The following ZDHHC16 variants were observed in gnomAD, a reference collection of about 807,000 sequenced individuals.
The protein encoded by ZDHHC16 is zDHHC palmitoyltransferase 16.
Under a neutral mutation model 54.4 loss-of-function variants are expected in ZDHHC16, and 33 were observed. The ratio of observed to expected loss-of-function variants is 0.61; its 90% CI spans 0.46 to 0.81. The LOEUF (loss-of-function observed/expected upper bound fraction) is 0.81. Ranked by LOEUF, ZDHHC16 falls within the 30% of genes least tolerant of loss-of-function variation. The pLI is 0.00. For synonymous variants in ZDHHC16, 185 were observed against 182.1 expected (o/e 1.02, Z -0.13); for missense variants, 420 against 485.9 (o/e 0.86, Z 1.28).
At chr10:97,453,875 G>C in intron 8 of ZDHHC16, 29 bp downstream of exon 8, 2 of 1,613,978 alleles carry the variant, frequency 1.2e-6, no homozygotes, top group South Asian at 2.2e-5. Flanking sequence ...ACTGCCTCCT[G>C]CTGCTCAGGC....
intron 1 of ZDHHC16, among the ~76,000 whole-genome samples, chr10:97,449,858 A>ATT (rs1412478223): frequency 3.2e-5 from 2 of 62,352 alleles, no homozygotes; most frequent in Non-Finnish European, 6.2e-5. Context: ...ACTCCCCTTA[A>ATT]TTCTTTTTTT....
Position 97,446,350 on chromosome 10 carries a change from G to T in ZDHHC16, c.-189G>T. Reference sequence around the variant, plus strand: ...TGGCTGACTGGGGAGTCGGCAGGCGGCAGGTAAGGGCGAAGCCTCGGCCCT... The same window carrying T: ...TGGCTGACTGGGGAGTCGGCAGGCGTCAGGTAAGGGCGAAGCCTCGGCCCT... On this transcript the variant is annotated 5_prime_UTR_variant, in exon 1 of 12. Coordinates refer to ENST00000393760, the MANE Select transcript of ZDHHC16 (RefSeq NM_198046.3). The T allele has an allele frequency of 2.6e-6, 1 of 390,502 alleles. No homozygotes were observed. Among genetic ancestry groups the T allele is most frequent in the South Asian group, 2.5e-5 (1 of 39,798 alleles). 24.2% of individuals were successfully genotyped at this position (390,502 alleles called of 1,614,324 possible).
intron 1 of ZDHHC16, 55 bp from the exon 2 acceptor site, chr10:97,450,302 A>C (rs940210696): frequency 6.6e-6 from 1 of 151,880 alleles, no homozygotes; most frequent in African/African-American, 2.4e-5. Context: ...GTTTCTTTTC[A>C]CCTTAGGGCT....
chr10:97,449,415 G>A (rs925001750), intron 1 of ZDHHC16, among the ~76,000 whole-genome samples: 5 of 152,106 alleles, frequency 3.3e-5, no homozygotes, highest in Admixed American at 2.0e-4. Flanking sequence ...GATTTGTTGT[G>A]GGGTAATCTG....
At chr10:97,449,832 T>G (rs1214897418) in intron 1 of ZDHHC16, among the ~76,000 whole-genome samples, 1 of 140,418 alleles carries the variant, frequency 7.1e-6, no homozygotes, top group African/African-American at 2.7e-5. Context: ...GCCCGGCCTT[T>G]TTTTCTCTTT....
chr10:97,453,741 G>A (rs1052247171), intron 7 of ZDHHC16, 58 bp from the exon 8 acceptor site: 1 of 1,614,016 alleles, frequency 6.2e-7, no homozygotes. Flanking sequence ...AATGGGGCTG[G>A]TAGCACCCCA....
rs375820825 is a variant in ZDHHC16, at chr10:97,452,227, C to T, written c.381C>T (p.Ile127=). Residue 127 remains isoleucine, a synonymous_variant, in exon 4 of 12, where the codon ATC becomes ATT. Transcript: ENST00000393760. ...WHFFYSHWNL[I]LIVFHYYQAI... Reference sequence around the variant, plus strand: ...TCTTCTATAGCCACTGGAATCTGATCCTGATTGTCTTCCACTACTACCAGG... The same window carrying T: ...TCTTCTATAGCCACTGGAATCTGATTCTGATTGTCTTCCACTACTACCAGG... The T allele has an allele frequency of 5.7e-5, 92 of 1,614,050 alleles. No individual in the cohort carries two copies. Among genetic ancestry groups the T allele is most frequent in the Non-Finnish European group, 7.5e-5 (89 of 1,180,050 alleles).
rs754283553 is a variant in ZDHHC16, at chr10:97,452,936, T to C, written c.556+13T>C. On this transcript the variant is annotated intron_variant, in intron 6 of 11. Coordinates refer to ENST00000393760, the MANE Select transcript of ZDHHC16 (RefSeq NM_198046.3). ...GATCACCACTGCCGTATCCTTTTGCTTTCTCTTCTGCCTGAGGCCTTCTTT... is the reference window on the plus strand; with the variant it reads ...GATCACCACTGCCGTATCCTTTTGCCTTCTCTTCTGCCTGAGGCCTTCTTT... 2 of 1,614,210 alleles carry C rather than the reference T, an allele frequency of 1.2e-6. No homozygotes were observed. Among genetic ancestry groups the C allele is most frequent in the Admixed American group, 1.7e-5 (1 of 60,016 alleles).
At chr10:97,448,718 A>C (rs961789681) in intron 1 of ZDHHC16, among the ~76,000 whole-genome samples, 1 of 152,138 alleles carries the variant, frequency 6.6e-6, no homozygotes, top group Non-Finnish European at 1.5e-5. Flanking sequence ...AGATCTTGCC[A>C]CTGCACTACA....
intron 1 of ZDHHC16, among the ~76,000 whole-genome samples, chr10:97,448,696 T>TG (rs1846322818): frequency 6.6e-6 from 1 of 152,200 alleles, no homozygotes; most frequent in Non-Finnish European, 1.5e-5. Flanking sequence ...AGGCGGAGGT[T>TG]GCAGTGAGCC....
At position 97,454,750 on chromosome 10, in the gene ZDHHC16, C is replaced by T. The variant is rs1400687848; in HGVS notation, c.775C>T (p.Arg259Ter). 9.9e-6 allele frequency: 16 copies of T among 1,614,062 alleles called. No homozygotes were observed. Among genetic ancestry groups the T allele is most frequent in the African/African-American group, 2.7e-5 (2 of 74,914 alleles). Reference sequence around the variant, plus strand: ...GACCCCACCACCCACCTTCTCCTTTCGAGAAAGGATGACTCACAAGAGTCT... The same window carrying T: ...GACCCCACCACCCACCTTCTCCTTTTGAGAAAGGATGACTCACAAGAGTCT... ...HQTPPPTFSF[R>*]ERMTHKSLVY... Residue 259 changes from arginine to a stop codon, truncating the protein, a stop_gained, in exon 9 of 12, where the codon CGA (arginine) becomes TGA (stop). Transcript: ENST00000393760. LOFTEE classifies it high-confidence loss of function.
intron 5 of ZDHHC16, 81 bp downstream of exon 5, chr10:97,452,584 T>C (rs1846747829): frequency 1.4e-6 from 2 of 1,444,958 alleles, no homozygotes; most frequent in South Asian, 1.3e-5. Context: ...TTGAGTTTGC[T>C]AAGACATGGG....
intron 1 of ZDHHC16, among the ~76,000 whole-genome samples, chr10:97,449,289 A>G (rs1658881696): frequency 6.6e-6 from 1 of 152,120 alleles, no homozygotes. Flanking sequence ...ATTACAAACA[A>G]GGAGTGCATT....
In ZDHHC16 at chr10:97,452,031, G is replaced by GA. The variant is rs1336139730; in HGVS notation, c.244-58dup. 1.9e-6 allele frequency: 3 copies of GA among 1,605,880 alleles called. No individual in the cohort carries two copies. In the Admixed American group the frequency reaches 5.0e-5, roughly 27 times the overall value. On this transcript the variant is annotated intron_variant, in intron 3 of 11. Transcript: ENST00000393760. ...CGGCCCCCACCCCCAGGGAAACTCC[G>GA]AGTCTCCTTTGGGCATAGCTCTTGC...
intron 1 of ZDHHC16, among the ~76,000 whole-genome samples, chr10:97,448,884 A>G (rs1056189022): frequency 6.6e-6 from 1 of 152,254 alleles, no homozygotes; most frequent in African/African-American, 2.4e-5. Flanking sequence ...ATGCCATTTT[A>G]TATCAGATTT....
rs763197918 is a variant in ZDHHC16, at chr10:97,454,818, TTTAAGGGAGGGGAAGCTTC to T, written c.824+20_824+38del. 12 of 1,611,918 alleles carry T rather than the reference TTTAAGGGAGGGGAAGCTTC, an allele frequency of 7.4e-6. No individual in the cohort carries two copies. In the Admixed American group the frequency reaches 8.4e-5, roughly 11 times the overall value. ...TGTGCAGGTATTTGTTTTTGATAGT[TTTAAGGGAGGGGAAGCTTC>T]AGAAAAAAAGTTTTTTAGGTGCCCA... On this transcript the variant is annotated intron_variant, in intron 9 of 11. Transcript: ENST00000393760.
intron 11 of ZDHHC16, chr10:97,456,360 C>G: frequency 2.7e-6 from 1 of 371,084 alleles, no homozygotes; most frequent in Non-Finnish European, 4.8e-6. Flanking sequence ...GAGTTCAAGC[C>G]AATAATTTGT....
Position 97,456,836 on chromosome 10 carries a change from G to T in ZDHHC16, c.1079G>T (p.Ser360Ile), listed in dbSNP as rs1489265729. The T allele has an allele frequency of 6.2e-7, 1 of 1,613,774 alleles. No individual in the cohort carries two copies. The highest frequency in any genetic ancestry group is 2.2e-5 in the East Asian group (1 of 44,874). ...CACTTGCCCCATGGGAATGGAATGA[G>T]CTGGGAGCCCCCTCCCTGGGTGACT... ...SSHLPHGNGM[S>I]WEPPPWVTAH... The change falls in exon 12 of 12, where the codon AGC (serine) becomes ATC (isoleucine). Residue 360 changes from serine (S) to isoleucine (I), a missense_variant. Coordinates refer to ENST00000393760, the MANE Select transcript of ZDHHC16 (RefSeq NM_198046.3).
rs1471296054 is a variant in ZDHHC16 at position 97,455,648 on chromosome 10, CTCTTT to C, written c.825-7_825-3del. The stretch of plus-strand genomic sequence containing the variant: ...CTAAACTACCCACCAGTCTTCGCCC[CTCTTT>C]TCTTAGTTCTGTGGCACTTGCCCTG... On this transcript the variant is annotated splice_polypyrimidine_tract_variant and splice_region_variant and intron_variant, in intron 9 of 11. Transcript: ENST00000393760. The C allele has an allele frequency of 3.1e-6, 5 of 1,614,004 alleles. No homozygotes were observed. Among genetic ancestry groups the C allele is most frequent in the African/African-American group, 2.7e-5 (2 of 74,942 alleles).
Sources: gnomAD v4.1 joint callset for allele counts (sites outside exome capture counted in the v4.1 genomes callset) on GRCh38, gnomAD v4.1.1 for gene constraint, MANE v1.5 for transcripts, NCBI Gene and HGNC (gene_info 2026-07-23, HGNC 2026-07-21) for gene names.